The following SKIL variants were observed in gnomAD, a reference collection of about 807,000 sequenced individuals.
SKIL encodes the protein SKI like proto-oncogene.
In SKIL, 20 loss-of-function variants were observed where a neutral mutation model predicts 69.6. The observed-to-expected ratio is 0.29, with a 90% CI of 0.20 to 0.42. The LOEUF is 0.42. Ranked by LOEUF, SKIL falls within the 10% of genes least tolerant of loss-of-function variation. The pLI, the probability that SKIL is intolerant of heterozygous loss-of-function variation, is 1.00. For missense variants in SKIL, 745 were observed against 783.1 expected, an observed-to-expected ratio of 0.95 and a Z score of 0.58; for synonymous variants, 310 against 279.9, an observed-to-expected ratio of 1.11 and a Z score of -1.08.
chr3:170,385,987 T>C (rs1737609831), intron 4 of SKIL, among the ~76,000 whole-genome samples: 1 of 151,552 alleles, frequency 6.6e-6, no homozygotes. Context: ...AGACGGGTTT[T>C]CTCCATGTTG....
At chr3:170,370,648 G>A (rs190898346) in intron 2 of SKIL, among the ~76,000 whole-genome samples, 3 of 152,054 alleles carry the variant, frequency 2.0e-5, no homozygotes, top group Admixed American at 2.0e-4. Context: ...TATTTGTGAT[G>A]TTGAATTTAT....
intron 1 of SKIL, among the ~76,000 whole-genome samples, chr3:170,359,373 A>G (rs887879961): frequency 6.6e-6 from 1 of 152,182 alleles, no homozygotes; most frequent in Non-Finnish European, 1.5e-5. Flanking sequence ...GGGCGGGCGG[A>G]TCACCTGAGG....
chr3:170,358,071 C>T (rs1736022280), intron 1 of SKIL, among the ~76,000 whole-genome samples: 1 of 152,086 alleles, frequency 6.6e-6, no homozygotes, highest in Non-Finnish European at 1.5e-5. Flanking sequence ...ACCCGGACGC[C>T]CGTCACCGCC....
chr3:170,391,510 G>A (rs1433960760), intron 6 of SKIL, among the ~76,000 whole-genome samples: 1 of 151,818 alleles, frequency 6.6e-6, no homozygotes, highest in Admixed American at 6.6e-5. Flanking sequence ...TAGTAGAGAC[G>A]GGGTTTCACC....
Position 170,361,015 on chromosome 3 carries a change from A to G in SKIL, c.684A>G (p.Arg228=). The change falls in exon 2 of 7, where the codon AGA becomes AGG. Residue 228 remains arginine (R), a synonymous_variant. Transcript: ENST00000259119. The part of the protein sequence containing the change: ...CGLITLTDAQ[R]LCNALLRPRT... ...TGATTACATTAACTGATGCACAAAG[A>G]TTATGTAATGCTTTATTGCGGCCAC... 1 of 1,614,224 alleles carries G rather than the reference A, an allele frequency of 6.2e-7. No homozygotes were observed. The highest frequency in any genetic ancestry group is 8.5e-7 in the Non-Finnish European group (1 of 1,180,024).
chr3:170,374,962 G>A (rs1736960880), intron 2 of SKIL, among the ~76,000 whole-genome samples: 1 of 152,182 alleles, frequency 6.6e-6, no homozygotes. Flanking sequence ...CTTGTAAAAG[G>A]CTACCTTGGG....
In SKIL at chr3:170,382,273, T is replaced by G. The variant is rs374024102; in HGVS notation, c.1196+932T>G. 2.0e-5 allele frequency among the ~76,000 whole-genome samples: 3 copies of G among 152,204 alleles called. No homozygotes were observed. The East Asian group carries it at 5.8e-4, about 29-fold the overall frequency. On this transcript the variant is annotated intron_variant, in intron 3 of 6. Coordinates refer to ENST00000259119, the MANE Select transcript of SKIL (RefSeq NM_005414.5). The stretch of plus-strand genomic sequence containing the variant: ...ATTGCACTGAATATTTGAAATAACC[T>G]TTACTATGTGTTTCTATGTGTTTTC...
In SKIL at chr3:170,361,269, A is replaced by C; in HGVS notation, c.938A>C (p.Lys313Thr). 6.2e-7 allele frequency: 1 copy of C among 1,614,214 alleles called. No homozygotes were observed. The highest frequency in any genetic ancestry group is 8.5e-7 in the Non-Finnish European group (1 of 1,180,032). Residue 313 changes from lysine to threonine, a missense_variant, in exon 2 of 7, where the codon AAA becomes ACA. Transcript: ENST00000259119. The stretch of plus-strand genomic sequence containing the variant: ...ATGCATTCTCACAGATCACCTGACA[A>C]AAGAACTTGCCACTGGGGCTTTGAA... ...FVMHSHRSPD[K>T]RTCHWGFESA... is the part of the protein sequence containing the mutation.
intron 2 of SKIL, among the ~76,000 whole-genome samples, chr3:170,370,959 A>G (rs1736775457): frequency 6.6e-6 from 1 of 152,140 alleles, no homozygotes; most frequent in Non-Finnish European, 1.5e-5. Context: ...CAAAAAAAAC[A>G]AGACAAAACA....
At chr3:170,368,979 T>C (rs1198984153) in intron 2 of SKIL, among the ~76,000 whole-genome samples, 1 of 152,170 alleles carries the variant, frequency 6.6e-6, no homozygotes, top group African/African-American at 2.4e-5. Flanking sequence ...TTAGTGCCTT[T>C]CTCATTTTTT....
Position 170,357,770 on chromosome 3 carries a change from C to T in SKIL, c.-634+7C>T, listed in dbSNP as rs1047694189. On this transcript the variant is annotated splice_region_variant and intron_variant, in intron 1 of 6. Coordinates refer to ENST00000259119, the MANE Select transcript of SKIL (RefSeq NM_005414.5). ...GCGGCGGCGGCGGGCACAGGTGCGGCTCCGGCTTACGGCGGCGACGCGGCG... is the reference window on the plus strand; with the variant it reads ...GCGGCGGCGGCGGGCACAGGTGCGGTTCCGGCTTACGGCGGCGACGCGGCG... 15 of 164,096 alleles carry T rather than the reference C, an allele frequency of 9.1e-5. No individual in the cohort carries two copies. Among genetic ancestry groups the T allele is most frequent in the African/African-American group, 3.4e-4 (14 of 41,476 alleles). 10.2% of individuals were successfully genotyped at this position (164,096 alleles called of 1,614,324 possible).
At chr3:170,380,519 C>G (rs1314529880) in intron 2 of SKIL, among the ~76,000 whole-genome samples, 2 of 151,942 alleles carry the variant, frequency 1.3e-5, no homozygotes, top group African/African-American at 2.4e-5. Context: ...TGGTGGGTGC[C>G]TGTAATCCCA....
chr3:170,362,142 T>C (rs1736273908), intron 2 of SKIL, among the ~76,000 whole-genome samples: 1 of 152,246 alleles, frequency 6.6e-6, no homozygotes, highest in East Asian at 1.9e-4. Context: ...AATTTGTGAT[T>C]TGAAAGGAAT....
chr3:170,373,138 A>C (rs1291833506), intron 2 of SKIL, among the ~76,000 whole-genome samples: 2 of 151,588 alleles, frequency 1.3e-5, no homozygotes, highest in African/African-American at 4.8e-5. Flanking sequence ...CTGGGACTAC[A>C]GGCGTGCACC....
rs1452667632 is a variant in SKIL, at chr3:170,396,807, C to T, written c.*4390C>T. 4.6e-5 allele frequency: 7 copies of T among 152,160 alleles called. No individual in the cohort carries two copies. The highest frequency in any genetic ancestry group is 1.0e-4 in the Non-Finnish European group (7 of 68,022). 9.4% of individuals were successfully genotyped at this position (152,160 alleles called of 1,614,324 possible). A position where few individuals can be genotyped will look rare whatever the true frequency, so the allele number is the denominator to read the frequency against. Reference sequence around the variant, plus strand: ...ACTTGTATAGATTGTGGATCAAATACTAAATAAAAACTTTTAATGCCAATT... The same window carrying T: ...ACTTGTATAGATTGTGGATCAAATATTAAATAAAAACTTTTAATGCCAATT... On this transcript the variant is annotated 3_prime_UTR_variant, in exon 7 of 7. Coordinates refer to ENST00000259119, the MANE Select transcript of SKIL (RefSeq NM_005414.5).
At chr3:170,390,696 A>G (rs568938207) in intron 5 of SKIL, among the ~76,000 whole-genome samples, 284 of 152,272 alleles carry the variant, frequency 1.9e-3, no homozygotes, top group African/African-American at 6.6e-3. Context: ...CATGCTGGCC[A>G]GGCTCGAACT....
chr3:170,370,012 G>A (rs1020897781), intron 2 of SKIL, among the ~76,000 whole-genome samples: 2 of 152,028 alleles, frequency 1.3e-5, no homozygotes. Context: ...GGCTGAGACG[G>A]GCGGATCATG....
intron 2 of SKIL, among the ~76,000 whole-genome samples, chr3:170,366,203 AACTC>A (rs1250788640): frequency 6.6e-6 from 1 of 151,918 alleles, no homozygotes; most frequent in East Asian, 1.9e-4. Context: ...AAAGTCCTGA[AACTC>A]AGTAAGTTGT....
intron 5 of SKIL, 95 bp downstream of exon 5, chr3:170,390,559 T>G (rs1444609903): frequency 1.1e-6 from 1 of 944,338 alleles, no homozygotes; most frequent in Non-Finnish European, 1.6e-6. Flanking sequence ...CAGTCTCAGC[T>G]CACTGAAACC....
Sources: gnomAD v4.1 joint callset for allele counts (sites outside exome capture counted in the v4.1 genomes callset) on GRCh38, gnomAD v4.1.1 for gene constraint, MANE v1.5 for transcripts, NCBI Gene and HGNC (gene_info 2026-07-23, HGNC 2026-07-21) for gene names.